PCDHGA7: variants seen among roughly 807,000 people sequenced by gnomAD.
The protein encoded by PCDHGA7 is protocadherin gamma-A7.
In PCDHGA7, 44 loss-of-function variants were observed where a neutral mutation model predicts 58.3. That is an observed-to-expected ratio of 0.75 (90% CI 0.59 to 0.97). The LOEUF (loss-of-function observed/expected upper bound fraction) is 0.97, where lower values mean the gene tolerates loss of function less well. PCDHGA7 is among the 50% of genes least tolerant of loss of function. The pLI, the probability that PCDHGA7 is intolerant of heterozygous loss-of-function variation, is 0.00. For synonymous variants in PCDHGA7, 516 were observed against 504.2 expected (o/e 1.02, Z -0.31); for missense variants, 1,266 against 1,188.7 (o/e 1.06, Z -0.96).
At position 141,510,842 on chromosome 5, in the gene PCDHGA7, G is replaced by A. The variant is rs531098325; in HGVS notation, c.2573-105G>A. 8.7e-5 allele frequency: 138 copies of A among 1,590,280 alleles called. No homozygotes were observed. The African/African-American group carries it at 1.7e-3, about 19-fold the overall frequency. ...TATTCCCAGTGCTCAGCGTGGTCAA[G>A]GCCCAGGGTGCTGTATAGGCATTCA... On this transcript the variant is annotated intron_variant, in intron 3 of 3. Coordinates refer to ENST00000518325, the MANE Select transcript of PCDHGA7 (RefSeq NM_018920.4).
rs978109236 is a variant in PCDHGA7, at chr5:141,418,889, A to G, written c.2424+33566A>G. 1.9e-6 allele frequency: 3 copies of G among 1,614,020 alleles called. No homozygotes were observed. The African/African-American group carries it at 4.0e-5, about 21-fold the overall frequency. On this transcript the variant is annotated intron_variant, in intron 1 of 3. Coordinates refer to ENST00000518325, the MANE Select transcript of PCDHGA7 (RefSeq NM_018920.4). Reference sequence around the variant, plus strand: ...AGAAGTTGTAGACGAAAACGACAACAGCCCAGAAATAATCATCACGTCACT... The same window carrying G: ...AGAAGTTGTAGACGAAAACGACAACGGCCCAGAAATAATCATCACGTCACT...
intron 1 of PCDHGA7, among the ~76,000 whole-genome samples, chr5:141,452,350 A>G (rs1355934993): frequency 6.6e-6 from 1 of 152,212 alleles, no homozygotes; most frequent in Admixed American, 6.5e-5. Context: ...CCATTTATCC[A>G]AAAGCCTTGC....
chr5:141,398,026 C>G, intron 1 of PCDHGA7: 2 of 1,446,724 alleles, frequency 1.4e-6, no homozygotes, highest in Admixed American at 2.6e-5. Context: ...TAAACTGGAA[C>G]TGGAACTAAA....
In PCDHGA7 at chr5:141,463,438, C is replaced by CTTT. The variant is rs71576115; in HGVS notation, c.2425-31343_2425-31341dup. ...GTTTGCGGATCCTCATTTCCTTCTC[C>CTTT]TTTTTTTTTTTTTTTTTTTTTTTTT... On this transcript the variant is annotated intron_variant, in intron 1 of 3. Coordinates refer to ENST00000518325, the MANE Select transcript of PCDHGA7 (RefSeq NM_018920.4). 5.0e-3 allele frequency among the ~76,000 whole-genome samples: 517 copies of CTTT among 103,248 alleles called. 61 individuals are homozygous for CTTT. The highest frequency in any genetic ancestry group is 0.017 in the African/African-American group (381 of 22,398). The allele number at this position is 103,248 out of a possible 152,430, so 67.7% of individuals were successfully genotyped here.
intron 1 of PCDHGA7, chr5:141,419,964 T>A (rs151105903): frequency 1.2e-6 from 2 of 1,613,964 alleles, no homozygotes; most frequent in African/African-American, 2.7e-5. Context: ...ATTTCTGTGC[T>A]CTTTCTCCTC....
intron 1 of PCDHGA7, chr5:141,389,226 C>G: frequency 6.2e-7 from 1 of 1,614,064 alleles, no homozygotes; most frequent in Non-Finnish European, 8.5e-7. Context: ...TGACAACGCT[C>G]CGGTTTTCTC....
intron 3 of PCDHGA7, among the ~76,000 whole-genome samples, chr5:141,508,742 C>A (rs955179947): frequency 2.0e-5 from 3 of 151,998 alleles, no homozygotes; most frequent in Admixed American, 6.6e-5. Context: ...CCCCCCACCC[C>A]GCTCTTTCTC....
rs1384491005 is a variant in PCDHGA7 at position 141,383,064 on chromosome 5, G to A, written c.165G>A (p.Glu55=). Residue 55 remains glutamate, a synonymous_variant, in exon 1 of 4, where the codon GAG becomes GAA. Coordinates refer to ENST00000518325, the MANE Select transcript of PCDHGA7 (RefSeq NM_018920.4). ...VGDIAKDLGL[E]PRELAERGVR... ...ACATCGCCAAGGACCTGGGGCTGGA[G>A]CCCCGGGAGCTGGCGGAGCGCGGAG... 1 of 1,613,928 alleles carries A rather than the reference G, an allele frequency of 6.2e-7. No homozygotes were observed. Among genetic ancestry groups the A allele is most frequent in the Non-Finnish European group, 8.5e-7 (1 of 1,179,918 alleles).
chr5:141,439,455 C>T (rs62379163), intron 1 of PCDHGA7, among the ~76,000 whole-genome samples: 5,115 of 152,308 alleles, frequency 0.034, 100 homozygotes, highest in Middle Eastern at 0.088. Context: ...GGGAGCAAGA[C>T]TGCACTGCTG....
At chr5:141,452,854 A>G (rs137963870) in intron 1 of PCDHGA7, among the ~76,000 whole-genome samples, 109 of 152,264 alleles carry the variant, frequency 7.2e-4, no homozygotes, top group African/African-American at 2.5e-3. Flanking sequence ...CTCTGGGGAG[A>G]TGATTTTCTA....
At chr5:141,484,989 T>C (rs1295192640) in intron 1 of PCDHGA7, 4 of 604,024 alleles carry the variant, frequency 6.6e-6, no homozygotes, top group Non-Finnish European at 1.2e-5. Context: ...AATCGGGTGG[T>C]GAAAGGCAGA....
intron 1 of PCDHGA7, chr5:141,423,979 G>A: frequency 9.0e-7 from 1 of 1,115,484 alleles, no homozygotes. Flanking sequence ...CAGTGTATGA[G>A]GCTCTCAATT....
intron 1 of PCDHGA7, among the ~76,000 whole-genome samples, chr5:141,470,997 A>G (rs905897657): frequency 3.8e-4 from 57 of 150,462 alleles, no homozygotes; most frequent in African/African-American, 1.3e-3. Flanking sequence ...GACTACAGGC[A>G]TGAGCCACTG....
At chr5:141,405,881 T>C (rs998587989) in intron 1 of PCDHGA7, among the ~76,000 whole-genome samples, 4 of 152,210 alleles carry the variant, frequency 2.6e-5, no homozygotes, top group Admixed American at 2.6e-4. Flanking sequence ...GGCCTAATTG[T>C]TGCTCCAACA....
intron 1 of PCDHGA7, chr5:141,421,230 G>T: frequency 6.3e-7 from 1 of 1,590,132 alleles, no homozygotes. Context: ...AGCCTGCCAT[G>T]GCGAATCGGC....
intron 1 of PCDHGA7, chr5:141,423,769 CATAT>C (rs2096780943): frequency 8.2e-7 from 1 of 1,219,458 alleles, no homozygotes; most frequent in South Asian, 2.2e-5. Context: ...GGTGGGGCGG[CATAT>C]ATTTAGTTCA....
chr5:141,478,927 C>T (rs2154577116), intron 1 of PCDHGA7: 2 of 690,162 alleles, frequency 2.9e-6, no homozygotes, highest in East Asian at 6.0e-5. Flanking sequence ...TAACCAGTGG[C>T]AGCTTCTAGG....
chr5:141,506,115 T>C (rs1211973354), intron 3 of PCDHGA7, among the ~76,000 whole-genome samples: 1 of 152,062 alleles, frequency 6.6e-6, no homozygotes, highest in Admixed American at 6.5e-5. Context: ...GAAGAGTCAC[T>C]AGGGCCCAGA....
At chr5:141,388,866 C>T in intron 1 of PCDHGA7, 1 of 1,613,950 alleles carries the variant, frequency 6.2e-7, no homozygotes, top group Non-Finnish European at 8.5e-7. Flanking sequence ...AATGATTGCG[C>T]AATGCACAGT....
Sources: allele counts gnomAD v4.1 joint callset (sites outside exome capture counted in the v4.1 genomes callset), GRCh38; gene constraint gnomAD v4.1.1; transcripts MANE v1.5; gene names NCBI Gene and HGNC (gene_info 2026-07-23, HGNC 2026-07-21).